The following ALOX5 variants were observed in gnomAD, a reference collection of about 807,000 sequenced individuals.
ALOX5 encodes the protein arachidonate 5-lipoxygenase, also known as polyunsaturated fatty acid 5-lipoxygenase.
ALOX5 carries 64 observed loss-of-function variants against 87.9 expected under a neutral mutation model. The ratio of observed to expected loss-of-function variants is 0.73; its 90% CI spans 0.60 to 0.90. The LOEUF is 0.90. Ranked by LOEUF, ALOX5 falls within the 40% of genes least tolerant of loss-of-function variation. The probability of loss-of-function intolerance (pLI) is 0.00; values close to 1 mark genes in which losing one functional copy is unlikely to be tolerated. For missense variants in ALOX5, 822 were observed against 907.5 expected (o/e 0.91, Z 1.21); for synonymous variants, 388 against 355.1 (o/e 1.09, Z -1.04).
intron 7 of ALOX5, among the ~76,000 whole-genome samples, chr10:45,433,038 A>G (rs1229598852): frequency 6.6e-6 from 1 of 152,262 alleles, no homozygotes; most frequent in Non-Finnish European, 1.5e-5. Flanking sequence ...TAAATGGGCA[A>G]CCAGCATATG....
intron 7 of ALOX5, among the ~76,000 whole-genome samples, chr10:45,429,236 G>A (rs980107459): frequency 7.9e-5 from 12 of 152,174 alleles, no homozygotes; most frequent in East Asian, 1.9e-4. Context: ...AAAGGCAGGC[G>A]GGCACAGGGC....
chr10:45,386,906 A>G (rs942223254), intron 2 of ALOX5, among the ~76,000 whole-genome samples: 1 of 152,016 alleles, frequency 6.6e-6, no homozygotes, highest in Non-Finnish European at 1.5e-5. Flanking sequence ...ACCTGCTCCA[A>G]CTCCTGCAGT....
At chr10:45,442,583 G>A (rs1265178472) in intron 9 of ALOX5, 1 of 160,406 alleles carries the variant, frequency 6.2e-6, no homozygotes, top group African/African-American at 2.4e-5. Flanking sequence ...CCTCCTTGTG[G>A]GTCTCTCCAG....
chr10:45,424,013 G>T, intron 4 of ALOX5, 28 bp from the exon 5 acceptor site: 5 of 1,573,828 alleles, frequency 3.2e-6, no homozygotes, highest in Middle Eastern at 3.4e-4. Flanking sequence ...GCTAGTGTGC[G>T]CAAGGTGACC....
At chr10:45,395,462 G>A (rs926174778) in intron 2 of ALOX5, among the ~76,000 whole-genome samples, 1 of 152,108 alleles carries the variant, frequency 6.6e-6, no homozygotes, top group Non-Finnish European at 1.5e-5. Context: ...GTCATGGGGT[G>A]GGGGTAAGGG....
Position 45,380,756 on chromosome 10 carries a change from A to G in ALOX5, c.151-1727A>G, listed in dbSNP as rs1268695330. On this transcript the variant is annotated intron_variant, in intron 1 of 13. Coordinates refer to ENST00000374391, the MANE Select transcript of ALOX5 (RefSeq NM_000698.5). ...CAGGAGTTTGAGACCAGCCTGGCCA[A>G]CATGGTGAAACCCTGTCTCTACTGA... is the stretch of plus-strand genomic sequence containing the variant. Among the ~76,000 whole-genome samples the G allele has an allele frequency of 3.3e-5, 5 of 152,152 alleles. No individual in the cohort carries two copies. The East Asian group carries it at 9.6e-4, about 29-fold the overall frequency.
At chr10:45,439,241 A>G (rs928346718) in intron 7 of ALOX5, among the ~76,000 whole-genome samples, 2 of 152,072 alleles carry the variant, frequency 1.3e-5, no homozygotes, top group East Asian at 1.9e-4. Flanking sequence ...TTATATGTCT[A>G]TTGGACAGCA....
chr10:45,440,380 T>A, intron 7 of ALOX5, 50 bp from the exon 8 acceptor site: 1 of 1,576,708 alleles, frequency 6.3e-7, no homozygotes, highest in Non-Finnish European at 8.7e-7. Context: ...CCAACAACTA[T>A]ACTCTGAAGT....
chr10:45,431,188 CCTTA>C (rs1208923297), intron 7 of ALOX5, among the ~76,000 whole-genome samples: 18 of 152,052 alleles, frequency 1.2e-4, no homozygotes, highest in African/African-American at 4.1e-4. Flanking sequence ...ATAGGAGGAA[CCTTA>C]CTTTATATGA....
intron 2 of ALOX5, among the ~76,000 whole-genome samples, chr10:45,391,350 C>T (rs1840242128): frequency 6.6e-6 from 1 of 152,230 alleles, no homozygotes; most frequent in Non-Finnish European, 1.5e-5. Context: ...CAGCCTCGGC[C>T]TCCCGAGGTG....
intron 2 of ALOX5, among the ~76,000 whole-genome samples, chr10:45,392,469 C>T (rs1005108998): frequency 1.3e-4 from 19 of 151,074 alleles, no homozygotes; most frequent in African/African-American, 2.7e-4. Context: ...GGATTAAGGG[C>T]AGTGCAAGAT....
Position 45,383,362 on chromosome 10 carries a change from G to A in ALOX5, c.349+681G>A, listed in dbSNP as rs529224416. 5.3e-5 allele frequency among the ~76,000 whole-genome samples: 8 copies of A among 152,366 alleles called. No homozygotes were observed. The South Asian group carries it at 1.2e-3, about 24-fold the overall frequency. ...CAGAGCATCAGAGACGGACGCAGGC[G>A]TCAAGGTCAGCCAAGGCTCCCTGAA... On this transcript the variant is annotated intron_variant, in intron 2 of 13. Coordinates refer to ENST00000374391, the MANE Select transcript of ALOX5 (RefSeq NM_000698.5).
At chr10:45,412,880 G>C (rs1432197995) in intron 4 of ALOX5, among the ~76,000 whole-genome samples, 1 of 152,182 alleles carries the variant, frequency 6.6e-6, no homozygotes, top group African/African-American at 2.4e-5. Flanking sequence ...TCATCCGAAT[G>C]TCCGCAGGGC....
At chr10:45,426,722 G>A (rs1038928231) in intron 6 of ALOX5, among the ~76,000 whole-genome samples, 71 of 152,204 alleles carry the variant, frequency 4.7e-4, no homozygotes, top group Non-Finnish European at 1.0e-3. Context: ...AAAAAGCAAT[G>A]CTAACTCATT....
chr10:45,406,229 T>C (rs1840877613), intron 3 of ALOX5, among the ~76,000 whole-genome samples: 1 of 152,192 alleles, frequency 6.6e-6, no homozygotes, highest in African/African-American at 2.4e-5. Flanking sequence ...ACACAGAGAA[T>C]AGTAGTAGGC....
chr10:45,434,249 C>T (rs1237409110), intron 7 of ALOX5, among the ~76,000 whole-genome samples: 1 of 152,144 alleles, frequency 6.6e-6, no homozygotes, highest in South Asian at 2.1e-4. Context: ...AACAGGTGTG[C>T]ACCAGGAGAG....
chr10:45,392,722 AAAAG>A (rs1352918998), intron 2 of ALOX5, among the ~76,000 whole-genome samples: 54 of 151,592 alleles, frequency 3.6e-4, no homozygotes, highest in African/African-American at 1.2e-3. Context: ...AAAGAAAAAA[AAAAG>A]AAGAGAAGAA....
chr10:45,398,690 G>T (rs1840597858), intron 3 of ALOX5, among the ~76,000 whole-genome samples: 1 of 152,146 alleles, frequency 6.6e-6, no homozygotes, highest in South Asian at 2.1e-4. Context: ...TGAAAAAAAT[G>T]AGTGAGGATC....
rs34852267 is a variant in ALOX5 at position 45,445,571 on chromosome 10, C to T, written c.1909C>T (p.Arg637Ter). 6.8e-6 allele frequency: 11 copies of T among 1,614,132 alleles called. No individual in the cohort carries two copies. The highest frequency in any genetic ancestry group is 1.3e-5 in the African/African-American group (1 of 75,014). Residue 637 changes from arginine (R) to a stop codon, truncating the protein, a stop_gained, in exon 14 of 14, where the codon CGA becomes TGA. Coordinates refer to ENST00000374391, the MANE Select transcript of ALOX5 (RefSeq NM_000698.5). LOFTEE classifies it high-confidence loss of function. ...GAAGCCTGTGAAGGAAGCCATGGCC[C>T]GATTCCGCAAGAACCTCGAGGCCAT... is the stretch of plus-strand genomic sequence containing the variant. ...IEKPVKEAMA[R>*]FRKNLEAIVS...
Sources: gnomAD v4.1 joint callset for allele counts (sites outside exome capture counted in the v4.1 genomes callset) on GRCh38, gnomAD v4.1.1 for gene constraint, MANE v1.5 for transcripts, NCBI Gene and HGNC (gene_info 2026-07-23, HGNC 2026-07-21) for gene names.